FRMD4B: variants seen among roughly 807,000 people sequenced by gnomAD.
FRMD4B encodes FERM domain containing 4B, also known as FERM domain-containing protein 4B.
Under a neutral mutation model 141.5 loss-of-function variants are expected in FRMD4B, and 74 were observed. That is an observed-to-expected ratio of 0.52 (90% CI 0.43 to 0.63). The LOEUF is 0.63. Among genes scored for constraint, FRMD4B ranks in the 30% least tolerant of loss-of-function variants. FRMD4B has a pLI of 0.00. For missense variants in FRMD4B, 1,366 were observed against 1,253.4 expected (o/e 1.09, Z -1.36); for synonymous variants, 506 against 467.9 (o/e 1.08, Z -1.05).
intron 11 of FRMD4B, among the ~76,000 whole-genome samples, chr3:69,214,961 C>A (rs553512324): frequency 6.6e-6 from 1 of 152,100 alleles, no homozygotes; most frequent in African/African-American, 2.4e-5. Flanking sequence ...CTCACTGCAA[C>A]CTCTGCCTCC....
intron 1 of FRMD4B, chr3:69,472,245 A>T (rs1013311890): frequency 3.1e-6 from 1 of 323,374 alleles, no homozygotes. Flanking sequence ...CTGTGAGTTC[A>T]GCATGTCCAG....
At chr3:69,279,815 C>A (rs1185176166) in intron 5 of FRMD4B, among the ~76,000 whole-genome samples, 1 of 147,632 alleles carries the variant, frequency 6.8e-6, no homozygotes, top group Non-Finnish European at 1.5e-5. Context: ...CCTCTTCCTT[C>A]CCACTTCTGC....
intron 1 of FRMD4B, among the ~76,000 whole-genome samples, chr3:69,363,229 G>C (rs1450699369): frequency 1.4e-5 from 2 of 143,076 alleles, no homozygotes; most frequent in Admixed American, 1.5e-4. Flanking sequence ...CAAAAAAAAG[G>C]ATCACTTCTT....
intron 4 of FRMD4B, 105 bp downstream of exon 4, chr3:69,302,238 C>T: frequency 1.5e-6 from 1 of 684,358 alleles, no homozygotes; most frequent in Non-Finnish European, 2.7e-6. Context: ...TTTTTATTTG[C>T]TATCTCTAAT....
intron 1 of FRMD4B, among the ~76,000 whole-genome samples, chr3:69,454,031 T>A (rs1456271742): frequency 6.6e-6 from 1 of 152,150 alleles, no homozygotes; most frequent in Non-Finnish European, 1.5e-5. Flanking sequence ...TCCTCAGGCC[T>A]ATACCATCCC....
Position 69,491,159 on chromosome 3 carries a change from G to A in FRMD4B, c.-129+51047C>T, listed in dbSNP as rs531776783. Among the ~76,000 whole-genome samples the A allele has an allele frequency of 3.3e-5, 5 of 152,328 alleles. No homozygotes were observed. In the East Asian group the frequency reaches 9.6e-4, roughly 29 times the overall value. On this transcript the variant is annotated intron_variant, in intron 1 of 5. Transcript: ENST00000459638. ...CCAATGCAAGGAAAATCAAAGCGGA[G>A]TCTGTCCCAGGGGAGTTCAAACAAT... is the stretch of plus-strand genomic sequence containing the variant.
chr3:69,235,557 G>T (rs1347363776), intron 7 of FRMD4B, among the ~76,000 whole-genome samples: 1 of 151,982 alleles, frequency 6.6e-6, no homozygotes, highest in Non-Finnish European at 1.5e-5. Flanking sequence ...TACTCAGGAG[G>T]CTGACGCAGA....
At chr3:69,264,459 C>T (rs1022540731) in intron 5 of FRMD4B, among the ~76,000 whole-genome samples, 9 of 152,092 alleles carry the variant, frequency 5.9e-5, no homozygotes, top group Non-Finnish European at 1.3e-4. Context: ...TCTTGTGTTT[C>T]GTGATTCACT....
chr3:69,458,158 T>A (rs1705648531), intron 1 of FRMD4B, among the ~76,000 whole-genome samples: 1 of 152,136 alleles, frequency 6.6e-6, no homozygotes, highest in Admixed American at 6.5e-5. Flanking sequence ...GGCAAATTAA[T>A]AACAAAATTT....
intron 9 of FRMD4B, among the ~76,000 whole-genome samples, chr3:69,221,527 G>A (rs1230560747): frequency 6.6e-6 from 1 of 152,234 alleles, no homozygotes; most frequent in Non-Finnish European, 1.5e-5. Flanking sequence ...GAAAACAAAG[G>A]ATCTGGCAAC....
chr3:69,526,854 T>A (rs1162421689), intron 1 of FRMD4B, among the ~76,000 whole-genome samples: 2 of 152,212 alleles, frequency 1.3e-5, no homozygotes, highest in Non-Finnish European at 2.9e-5. Context: ...TGACAGATCT[T>A]GGATTCAAAC....
chr3:69,209,847 T>A (rs753764826), intron 11 of FRMD4B, among the ~76,000 whole-genome samples: 10 of 152,220 alleles, frequency 6.6e-5, no homozygotes, highest in Admixed American at 2.0e-4. Context: ...GTTAATCTCA[T>A]CTAGAATTTC....
At chr3:69,415,658 A>G (rs1002225557) in intron 2 of FRMD4B, among the ~76,000 whole-genome samples, 3 of 152,226 alleles carry the variant, frequency 2.0e-5, no homozygotes, top group African/African-American at 4.8e-5. Flanking sequence ...GGTTCTTCTG[A>G]TAAGTAACTT....
intron 1 of FRMD4B, among the ~76,000 whole-genome samples, chr3:69,381,914 G>A (rs1391650217): frequency 1.3e-5 from 2 of 152,106 alleles, no homozygotes; most frequent in Non-Finnish European, 2.9e-5. Flanking sequence ...TCAGAAATGG[G>A]TCCCTTCCCC....
chr3:69,237,362 C>T (rs536864306), intron 7 of FRMD4B, among the ~76,000 whole-genome samples: 2 of 152,358 alleles, frequency 1.3e-5, no homozygotes, highest in African/African-American at 4.8e-5. Flanking sequence ...CTTGATCAGA[C>T]CTTAAACCAA....
At position 69,285,737 on chromosome 3, in the gene FRMD4B, G is replaced by A. The variant is rs527644033; in HGVS notation, c.501+2015C>T. On this transcript the variant is annotated intron_variant, in intron 5 of 22. Transcript: ENST00000398540. ...TGCACACCTATAGTCCCAGCTACTCGGGAGGCTGAGGCAGGCGAATTGCTT... is the reference window on the plus strand; with the variant it reads ...TGCACACCTATAGTCCCAGCTACTCAGGAGGCTGAGGCAGGCGAATTGCTT... Among the ~76,000 whole-genome samples, 39 of 152,146 alleles carry A rather than the reference G, an allele frequency of 2.6e-4. No homozygotes were observed. In the South Asian group the frequency reaches 6.9e-3, roughly 27 times the overall value.
chr3:69,279,597 C>T (rs1308899230), intron 5 of FRMD4B, among the ~76,000 whole-genome samples: 2 of 152,068 alleles, frequency 1.3e-5, no homozygotes, highest in African/African-American at 4.8e-5. Context: ...GTAGCTAGAA[C>T]CACAGGCACA....
Position 69,181,571 on chromosome 3 carries a change from C to G in FRMD4B, c.2179G>C (p.Asp727His), listed in dbSNP as rs753616796. 3.7e-6 allele frequency: 6 copies of G among 1,613,724 alleles called. No individual in the cohort carries two copies. The Admixed American group carries it at 1.0e-4, about 27-fold the overall frequency. Reference protein sequence around the residue: ...SQRSSSTEILDDGSSYTSQSS... With the variant: ...SQRSSSTEILHDGSSYTSQSS... ...TGGCTTGTATAAGAAGACCCGTCATCGAGGATTTCTGTGCTGCTGCTTCTT... is the reference window on the plus strand; with the variant it reads ...TGGCTTGTATAAGAAGACCCGTCATGGAGGATTTCTGTGCTGCTGCTTCTT... Residue 727 changes from aspartate to histidine, a missense_variant, in exon 21 of 23, where the codon GAT becomes CAT. Coordinates refer to ENST00000398540, the MANE Select transcript of FRMD4B (RefSeq NM_015123.3).
chr3:69,508,457 G>A (rs532743851), intron 1 of FRMD4B, among the ~76,000 whole-genome samples: 1 of 152,120 alleles, frequency 6.6e-6, no homozygotes, highest in African/African-American at 2.4e-5. Flanking sequence ...GGCTTCCAAC[G>A]TGGTTGCTCC....
Sources: allele counts gnomAD v4.1 joint callset (sites outside exome capture counted in the v4.1 genomes callset), GRCh38; gene constraint gnomAD v4.1.1; transcripts MANE v1.5; gene names NCBI Gene and HGNC (gene_info 2026-07-23, HGNC 2026-07-21).